SLC36A2: variants seen among roughly 807,000 people sequenced by gnomAD.
SLC36A2 encodes the protein proton-coupled amino acid transporter 2.
A neutral mutation model predicts 42.7 loss-of-function variants in SLC36A2; 39 were observed. The observed-to-expected ratio is 0.91, with a 90% CI of 0.71 to 1.19. The LOEUF is 1.19. Ranked by LOEUF, SLC36A2 falls within the 50% of genes most tolerant of loss-of-function variation. SLC36A2 has a pLI of 0.00. For missense variants in SLC36A2, 590 were observed against 613.7 expected (o/e 0.96, Z 0.41); for synonymous variants, 237 against 240.8 (o/e 0.98, Z 0.15).
intron 8 of SLC36A2, 40 bp downstream of exon 8, chr5:151,325,246 C>T: frequency 6.2e-7 from 1 of 1,605,462 alleles, no homozygotes; most frequent in Admixed American, 1.7e-5. Flanking sequence ...CGTTTCCACC[C>T]ATTCCTGAGT....
intron 9 of SLC36A2, among the ~76,000 whole-genome samples, chr5:151,320,264 G>A (rs1159175610): frequency 6.6e-6 from 1 of 152,036 alleles, no homozygotes; most frequent in African/African-American, 2.4e-5. Context: ...TTAGAATAAT[G>A]AATACTAGCA....
At chr5:151,340,997 TTTATTA>T (rs554291310) in intron 4 of SLC36A2, among the ~76,000 whole-genome samples, 1 of 152,172 alleles carries the variant, frequency 6.6e-6, no homozygotes, top group Admixed American at 6.5e-5. Context: ...ATTTACTTGC[TTTATTA>T]TTATTATTAT....
intron 8 of SLC36A2, 74 bp downstream of exon 8, chr5:151,325,212 G>T (rs1157839614): frequency 6.5e-7 from 1 of 1,542,940 alleles, no homozygotes; most frequent in East Asian, 2.3e-5. Context: ...CCCAGCTGTG[G>T]AAGGGAGGAG....
intron 8 of SLC36A2, among the ~76,000 whole-genome samples, chr5:151,324,149 G>A (rs1755784265): frequency 6.6e-6 from 1 of 152,004 alleles, no homozygotes; most frequent in Admixed American, 6.6e-5. Flanking sequence ...TGTTTTGTTT[G>A]TTTGTTTGTT....
chr5:151,345,701 A>G lies in SLC36A2; in HGVS notation c.165-1434T>C, dbSNP rs117189892. Reference sequence around the variant, plus strand: ...CGGGTTACTTTGGAAATTTCTAACTAAAGTACTTAGGAAATCAGAATTTAA... The same window carrying G: ...CGGGTTACTTTGGAAATTTCTAACTGAAGTACTTAGGAAATCAGAATTTAA... On this transcript the variant is annotated intron_variant, in intron 1 of 9. Transcript: ENST00000335244. 5.9e-5 allele frequency among the ~76,000 whole-genome samples: 9 copies of G among 152,282 alleles called. No individual in the cohort carries two copies. The East Asian group carries it at 7.7e-4, about 13-fold the overall frequency.
In SLC36A2 at chr5:151,325,268, G is replaced by T; in HGVS notation, c.1010+18C>A. On this transcript the variant is annotated intron_variant, in intron 8 of 9. Coordinates refer to ENST00000335244, the MANE Select transcript of SLC36A2 (RefSeq NM_181776.3). Reference sequence around the variant, plus strand: ...ACCCATTCCTGAGTCCCCACCACCTGACAGCCCATGAAGATACCAGCAGTT... The same window carrying T: ...ACCCATTCCTGAGTCCCCACCACCTTACAGCCCATGAAGATACCAGCAGTT... 6.2e-7 allele frequency: 1 copy of T among 1,611,550 alleles called. No individual in the cohort carries two copies. The highest frequency in any genetic ancestry group is 1.1e-5 in the South Asian group (1 of 90,488).
intron 9 of SLC36A2, among the ~76,000 whole-genome samples, chr5:151,320,458 C>G (rs7703421): frequency 0.082 from 12,444 of 151,930 alleles, 788 homozygotes; most frequent in African/African-American, 0.17. Context: ...AATGTGGTTT[C>G]TACGTACAGT....
At chr5:151,318,316 A>C (rs1171158466) in intron 9 of SLC36A2, among the ~76,000 whole-genome samples, 1 of 151,594 alleles carries the variant, frequency 6.6e-6, no homozygotes, top group Non-Finnish European at 1.5e-5. Context: ...GGAATATATC[A>C]ATGTACAAAC....
At chr5:151,341,554 T>C (rs1022100697) in intron 4 of SLC36A2, among the ~76,000 whole-genome samples, 2 of 152,116 alleles carry the variant, frequency 1.3e-5, no homozygotes, top group African/African-American at 4.8e-5. Context: ...GTAGATTTAG[T>C]CCCAAGTACC....
At chr5:151,340,325 A>G (rs1561661140) in intron 4 of SLC36A2, among the ~76,000 whole-genome samples, 1 of 152,074 alleles carries the variant, frequency 6.6e-6, no homozygotes, top group Non-Finnish European at 1.5e-5. Flanking sequence ...GAGGAGGAGG[A>G]CAGTTTTAGG....
At chr5:151,330,920 A>G (rs1301224782) in intron 7 of SLC36A2, among the ~76,000 whole-genome samples, 1 of 152,246 alleles carries the variant, frequency 6.6e-6, no homozygotes, top group Non-Finnish European at 1.5e-5. Context: ...CAATAGGCCA[A>G]TTAAAGTGGA....
chr5:151,342,401 A>G (rs910942015), intron 4 of SLC36A2, among the ~76,000 whole-genome samples: 3 of 151,492 alleles, frequency 2.0e-5, no homozygotes, highest in African/African-American at 7.3e-5. Flanking sequence ...TTCCTGCAGA[A>G]CTCATCTCAC....
In SLC36A2 at chr5:151,316,530, C is replaced by T. The variant is rs13165393; in HGVS notation, c.*287G>A. 8,349 of 332,210 alleles carry T rather than the reference C, an allele frequency of 0.025. 160 individuals carry two copies. The highest frequency in any genetic ancestry group is 0.033 in the Non-Finnish European group (5,752 of 176,342). The allele number at this position is 332,210 out of a possible 1,614,324, so 20.6% of individuals were successfully genotyped here. Reference sequence around the variant, plus strand: ...CCGGGGTGGGTGGATCACCTGAGGTCGGGAGTTCAAGACCAGCCTGACCAA... The same window carrying T: ...CCGGGGTGGGTGGATCACCTGAGGTTGGGAGTTCAAGACCAGCCTGACCAA... On this transcript the variant is annotated 3_prime_UTR_variant, in exon 10 of 10. Transcript: ENST00000335244.
At chr5:151,329,261 T>C (rs1007955914) in intron 7 of SLC36A2, among the ~76,000 whole-genome samples, 4 of 152,164 alleles carry the variant, frequency 2.6e-5, no homozygotes, top group African/African-American at 9.7e-5. Flanking sequence ...GAAAACTAAC[T>C]GGATATTGGA....
intron 5 of SLC36A2, chr5:151,338,734 A>G: frequency 4.0e-6 from 1 of 249,254 alleles, no homozygotes; most frequent in South Asian, 5.1e-5. Flanking sequence ...TCATCAAAAG[A>G]AGACCCATAT....
In SLC36A2 at chr5:151,316,778, TAA is replaced by T; in HGVS notation, c.*37_*38del. ...AAAAAAAAAAAGAGATCCATATAAT[TAA>T]AAGTCGGGTGCTGGTAGGCAAGGAG... On this transcript the variant is annotated 3_prime_UTR_variant, in exon 10 of 10. Coordinates refer to ENST00000335244, the MANE Select transcript of SLC36A2 (RefSeq NM_181776.3). The T allele has an allele frequency of 7.0e-7, 1 of 1,436,748 alleles. No individual in the cohort carries two copies. Among genetic ancestry groups the T allele is most frequent in the South Asian group, 1.2e-5 (1 of 84,512 alleles). 89.0% of individuals were successfully genotyped at this position (1,436,748 alleles called of 1,614,324 possible). A position where few individuals can be genotyped will look rare whatever the true frequency, so the allele number is the denominator to read the frequency against.
intron 7 of SLC36A2, among the ~76,000 whole-genome samples, chr5:151,327,887 T>C (rs561196172): frequency 6.6e-6 from 1 of 152,348 alleles, no homozygotes; most frequent in Admixed American, 6.5e-5. Context: ...GCTGGTGATC[T>C]AACTGAAGTC....
intron 6 of SLC36A2, among the ~76,000 whole-genome samples, chr5:151,333,786 C>G (rs1245496319): frequency 6.6e-6 from 1 of 152,098 alleles, no homozygotes; most frequent in Non-Finnish European, 1.5e-5. Context: ...GGTGTGAACC[C>G]AAGATCGCAC....
chr5:151,337,486 T>C (rs775073762), intron 5 of SLC36A2, among the ~76,000 whole-genome samples: 13 of 152,192 alleles, frequency 8.5e-5, no homozygotes, highest in Non-Finnish European at 1.9e-4. Flanking sequence ...GGCTGTAAAC[T>C]CCTTGATACA....
Sources: gnomAD v4.1 joint callset for allele counts (sites outside exome capture counted in the v4.1 genomes callset) on GRCh38, gnomAD v4.1.1 for gene constraint, MANE v1.5 for transcripts, NCBI Gene and HGNC (gene_info 2026-07-23, HGNC 2026-07-21) for gene names.